Variants in DDX31 observed in about 807,000 individuals in gnomAD.
The protein encoded by DDX31 is ATP-dependent DNA helicase DDX31.
DDX31 carries 70 observed loss-of-function variants against 91.3 expected under a neutral mutation model. The observed-to-expected ratio is 0.77, with a 90% CI of 0.63 to 0.94. The LOEUF is 0.94. Ranked by LOEUF, DDX31 falls within the 40% of genes least tolerant of loss-of-function variation. The pLI, the probability that DDX31 is intolerant of heterozygous loss-of-function variation, is 0.00. For missense variants in DDX31, 902 were observed against 925.0 expected (o/e 0.98, Z 0.32); for synonymous variants, 362 against 350.6 (o/e 1.03, Z -0.36).
chr9:132,609,468 C>A (rs1831203288), intron 19 of DDX31, among the ~76,000 whole-genome samples: 1 of 152,172 alleles, frequency 6.6e-6, no homozygotes, highest in African/African-American at 2.4e-5. Flanking sequence ...GCCTCCCTCT[C>A]TGCTTTCCAA....
intron 17 of DDX31, among the ~76,000 whole-genome samples, chr9:132,622,087 CAG>C (rs1457571726): frequency 6.6e-6 from 1 of 151,940 alleles, no homozygotes; most frequent in African/African-American, 2.4e-5. Context: ...GATCATGAGA[CAG>C]AGTTTCTAGA....
chr9:132,646,889 A>G lies in DDX31; in HGVS notation c.1137T>C (p.His379=). The part of the protein sequence containing the change: ...SFAIPESLKQ[H]VTVVPSKLRL... ...TCAGTTTGCTGGGAACCACAGTCAC[A>G]TGCTGCTTGAGACTCTCTGGTATTG... The change falls in exon 12 of 20, where the codon CAT becomes CAC. Residue 379 remains histidine (H), a synonymous_variant. Coordinates refer to ENST00000372159, the MANE Select transcript of DDX31 (RefSeq NM_022779.9). 4 of 1,614,166 alleles carry G rather than the reference A, an allele frequency of 2.5e-6. No individual in the cohort carries two copies. Among genetic ancestry groups the G allele is most frequent in the Non-Finnish European group, 2.5e-6 (3 of 1,180,032 alleles).
chr9:132,603,531 A>G (rs1203278682), intron 19 of DDX31, among the ~76,000 whole-genome samples: 3 of 152,190 alleles, frequency 2.0e-5, no homozygotes, highest in Non-Finnish European at 4.4e-5. Context: ...TCCTGCGTGC[A>G]GAAGGGGAGA....
In DDX31 at chr9:132,652,463, G is replaced by A. The variant is rs757216752; in HGVS notation, c.618C>T (p.Leu206=). ...QRSDGPYALV[L]VPTRELALQS... ...GCCTGCTTACCTCTCTCGTTGGCAC[G>A]AGCACCAGGGCATAGGGGCCATCAC... Residue 206 remains leucine (L), a synonymous_variant, in exon 7 of 20, where the codon CTC becomes CTT. Coordinates refer to ENST00000372159, the MANE Select transcript of DDX31 (RefSeq NM_022779.9). 3.7e-5 allele frequency: 59 copies of A among 1,613,990 alleles called. No homozygotes were observed. Among genetic ancestry groups the A allele is most frequent in the Non-Finnish European group, 4.7e-5 (55 of 1,180,014 alleles).
At chr9:132,625,560 T>C (rs377431043) in intron 17 of DDX31, 104 bp downstream of exon 17, 4 of 818,934 alleles carry the variant, frequency 4.9e-6, no homozygotes, top group East Asian at 5.0e-5. Context: ...TTAAAATAAA[T>C]GTATTGCTTG....
In DDX31 at chr9:132,648,443, A is replaced by AGG. The variant is rs778551926; in HGVS notation, c.848_849insCC (p.Glu284LeufsTer17). The AGG allele has an allele frequency of 1.9e-6, 3 of 1,613,778 alleles. No individual in the cohort carries two copies. In the African/African-American group the frequency reaches 4.0e-5, roughly 22 times the overall value. On this transcript the variant is annotated frameshift_variant, in exon 10 of 20. Coordinates refer to ENST00000372159, the MANE Select transcript of DDX31 (RefSeq NM_022779.9). LOFTEE classifies it high-confidence loss of function. The stretch of plus-strand genomic sequence containing the variant: ...GGGACGAGGCTCACCTGTCTGCTTC[A>AGG]TCAAACACCAACCACCGCAGCCGAC...
chr9:132,669,543 G>A (rs1180262193), intron 1 of DDX31: 4 of 1,423,504 alleles, frequency 2.8e-6, no homozygotes, highest in Non-Finnish European at 3.7e-6. Context: ...TTTGGCCTGG[G>A]ACTTGCGCCG....
At chr9:132,666,910 T>A (rs1299471832) in intron 1 of DDX31, among the ~76,000 whole-genome samples, 2 of 152,122 alleles carry the variant, frequency 1.3e-5, no homozygotes, top group Non-Finnish European at 2.9e-5. Context: ...AGACGGGGTT[T>A]CACTGTGTTA....
At position 132,594,613 on chromosome 9, in the gene DDX31, T is replaced by C. The variant is rs1313940324; in HGVS notation, c.*253A>G. 1 of 446,150 alleles carries C rather than the reference T, an allele frequency of 2.2e-6. No homozygotes were observed. Among genetic ancestry groups the C allele is most frequent in the East Asian group, 4.6e-5 (1 of 21,668 alleles). The allele number at this position is 446,150 out of a possible 1,614,324, so 27.6% of individuals were successfully genotyped here. On this transcript the variant is annotated 3_prime_UTR_variant, in exon 20 of 20. Coordinates refer to ENST00000372159, the MANE Select transcript of DDX31 (RefSeq NM_022779.9). ...CCTGGGTGAAGGGAGTGCCGGGCAC[T>C]GATGGGATCAATACAAGACACAGAC...
At chr9:132,646,273 T>A in intron 12 of DDX31, among the ~76,000 whole-genome samples, 1 of 152,168 alleles carries the variant, frequency 6.6e-6, no homozygotes, top group East Asian at 1.9e-4. Context: ...GACACAGCTA[T>A]CATTTCAAAC....
At chr9:132,662,031 A>G (rs1360908297) in intron 3 of DDX31, among the ~76,000 whole-genome samples, 2 of 152,022 alleles carry the variant, frequency 1.3e-5, no homozygotes, top group African/African-American at 4.8e-5. Context: ...ACACAAAAAC[A>G]CAAAAAAACA....
chr9:132,594,977 G>C lies in DDX31; in HGVS notation c.2130C>G (p.Pro710=). The C allele has an allele frequency of 6.2e-7, 1 of 1,614,148 alleles. No individual in the cohort carries two copies. Among genetic ancestry groups the C allele is most frequent in the Non-Finnish European group, 8.5e-7 (1 of 1,180,036 alleles). ...GTGTCGGCTGCAGACTGTGCTGCAG[G>C]GGCCGGCCACCAGGCTCTCCAGGTG... ...QNAPGEPGGR[P]LQHSLQPTPC... is the part of the protein sequence containing the mutation. The change falls in exon 20 of 20, where the codon CCC becomes CCG. Residue 710 remains proline, a synonymous_variant. Coordinates refer to ENST00000372159, the MANE Select transcript of DDX31 (RefSeq NM_022779.9).
chr9:132,638,090 G>A (rs1355755355), intron 14 of DDX31: 10 of 1,288,280 alleles, frequency 7.8e-6, no homozygotes, highest in Middle Eastern at 3.0e-4. Context: ...AGAAATGCAC[G>A]CGCCGGACAG....
chr9:132,645,034 C>T (rs1296483594), intron 13 of DDX31, among the ~76,000 whole-genome samples: 1 of 152,198 alleles, frequency 6.6e-6, no homozygotes, highest in East Asian at 1.9e-4. Context: ...CCTTTTAGCT[C>T]TAAAAATCTT....
In DDX31 at chr9:132,594,847, T is replaced by C. The variant is rs1830352531; in HGVS notation, c.*19A>G. On this transcript the variant is annotated 3_prime_UTR_variant, in exon 20 of 20. Coordinates refer to ENST00000372159, the MANE Select transcript of DDX31 (RefSeq NM_022779.9). ...GCCACCCGGGGCTTCCAGGTTCCACTCGAAGACCCAGAGAGATTTTAAACT... is the reference window on the plus strand; with the variant it reads ...GCCACCCGGGGCTTCCAGGTTCCACCCGAAGACCCAGAGAGATTTTAAACT... 2 of 1,608,730 alleles carry C rather than the reference T, an allele frequency of 1.2e-6. No homozygotes were observed. Among genetic ancestry groups the C allele is most frequent in the Middle Eastern group, 2.1e-4 (1 of 4,830 alleles).
intron 6 of DDX31, among the ~76,000 whole-genome samples, chr9:132,657,221 C>T (rs1590092363): frequency 6.6e-6 from 1 of 152,152 alleles, no homozygotes; most frequent in Admixed American, 6.5e-5. Flanking sequence ...TAGGGTTTAA[C>T]TGATTTTTAA....
rs1830399775 is a variant in DDX31, at chr9:132,595,556, G to T, written c.1995-444C>A. Among the ~76,000 whole-genome samples, 1 of 152,198 alleles carries T rather than the reference G, an allele frequency of 6.6e-6. No individual in the cohort carries two copies. Among genetic ancestry groups the T allele is most frequent in the South Asian group, 2.1e-4 (1 of 4,822 alleles). The stretch of plus-strand genomic sequence containing the variant: ...CTGGCCTCCTCATGGGCTCCTGAGG[G>T]CTTCAGGACTCAGCCCTGCGGGAGC... On this transcript the variant is annotated intron_variant, in intron 19 of 19. Coordinates refer to ENST00000372159, the MANE Select transcript of DDX31 (RefSeq NM_022779.9). This position sits in a 1 kb window ranked among gnomAD's most constrained non-coding sequence, Gnocchi z 4.6.
At chr9:132,654,917 A>G (rs1415811970) in intron 6 of DDX31, among the ~76,000 whole-genome samples, 1 of 145,100 alleles carries the variant, frequency 6.9e-6, no homozygotes. Flanking sequence ...CTCCACTCCA[A>G]CCAGGGCAAC....
At chr9:132,605,248 G>A (rs746170620) in intron 19 of DDX31, among the ~76,000 whole-genome samples, 5 of 151,946 alleles carry the variant, frequency 3.3e-5, no homozygotes, top group Non-Finnish European at 7.4e-5. Context: ...AAAATTTACC[G>A]AGCACCTACT....
Sources: gnomAD v4.1 joint callset for allele counts (sites outside exome capture counted in the v4.1 genomes callset) on GRCh38, gnomAD v4.1.1 for gene constraint, Gnocchi (gnomAD v3.1) non-coding constraint, MANE v1.5 for transcripts, NCBI Gene and HGNC (gene_info 2026-07-23, HGNC 2026-07-21) for gene names.